The following TBC1D2 variants were observed in gnomAD, a reference collection of about 807,000 sequenced individuals.
TBC1D2 encodes TBC1 domain family member 2.
Under a neutral mutation model 91.1 loss-of-function variants are expected in TBC1D2, and 58 were observed. The observed-to-expected ratio is 0.64, with a 90% CI of 0.52 to 0.79. TBC1D2 has a LOEUF of 0.79. Among genes scored for constraint, TBC1D2 ranks in the 30% least tolerant of loss-of-function variants. The pLI, the probability that TBC1D2 is intolerant of heterozygous loss-of-function variation, is 0.00. For synonymous variants in TBC1D2, 482 were observed against 511.5 expected, an observed-to-expected ratio of 0.94 and a Z score of 0.78; for missense variants, 1,080 against 1,208.3, an observed-to-expected ratio of 0.89 and a Z score of 1.57.
rs374251060 is a variant in TBC1D2 at position 98,212,992 on chromosome 9, C to G, written c.1485+116G>C. 34 of 1,122,876 alleles carry G rather than the reference C, an allele frequency of 3.0e-5. No individual in the cohort carries two copies. In the East Asian group the frequency reaches 6.0e-4, roughly 20 times the overall value. 69.6% of individuals were successfully genotyped at this position (1,122,876 alleles called of 1,614,324 possible). A position where few individuals can be genotyped will look rare whatever the true frequency, so the allele number is the denominator to read the frequency against. On this transcript the variant is annotated intron_variant, in intron 7 of 12. Coordinates refer to ENST00000465784, the MANE Select transcript of TBC1D2 (RefSeq NM_001267571.2). Reference sequence around the variant, plus strand: ...GATATGGGCCCTGCTCACAAGGGGTCAGTTCAGAGGGAGAGGGGCAGACAG... The same window carrying G: ...GATATGGGCCCTGCTCACAAGGGGTGAGTTCAGAGGGAGAGGGGCAGACAG...
intron 1 of TBC1D2, among the ~76,000 whole-genome samples, chr9:98,254,184 G>A (rs1026264273): frequency 6.6e-6 from 1 of 152,210 alleles, no homozygotes; most frequent in Non-Finnish European, 1.5e-5. Context: ...AGATGGGGAT[G>A]GGGTGGGGAA....
intron 5 of TBC1D2, among the ~76,000 whole-genome samples, chr9:98,224,235 A>C (rs1461263656): frequency 6.9e-6 from 1 of 144,202 alleles, no homozygotes; most frequent in Non-Finnish European, 1.5e-5. Context: ...AGAAAAATAG[A>C]GGGGTTGATG....
chr9:98,244,156 T>A, intron 2 of TBC1D2, 27 bp from the exon 3 acceptor site: 1 of 1,610,998 alleles, frequency 6.2e-7, no homozygotes, highest in Non-Finnish European at 8.5e-7. Flanking sequence ...GGGAAATCCA[T>A]CAGCTGGGTC....
chr9:98,227,201 C>T (rs1041939571), intron 5 of TBC1D2, among the ~76,000 whole-genome samples: 2 of 152,202 alleles, frequency 1.3e-5, no homozygotes, highest in East Asian at 3.8e-4. Context: ...GGCTGCTAAG[C>T]AGCAGCAGAG....
chr9:98,212,687 G>A (rs1166023957), intron 7 of TBC1D2, among the ~76,000 whole-genome samples: 1 of 151,974 alleles, frequency 6.6e-6, no homozygotes, highest in Non-Finnish European at 1.5e-5. Context: ...TGTATATTTA[G>A]TAGAGATGGG....
Position 98,255,477 on chromosome 9 carries a change from G to A in TBC1D2, c.65C>T (p.Ala22Val). ...SSSAPGSEES[A>V]RDPQVPPPEE... The stretch of plus-strand genomic sequence containing the variant: ...CGGAGGCGGCACCTGTGGATCCCTG[G>A]CAGACTCTTCGGACCCAGGGGCAGA... The change falls in exon 1 of 13, where the codon GCC becomes GTC. Residue 22 changes from alanine (A) to valine (V), a missense_variant. By Grantham distance (64) the Ala-to-Val change is moderately conservative. Transcript: ENST00000465784. The A allele has an allele frequency of 6.3e-7, 1 of 1,582,330 alleles. No individual in the cohort carries two copies. The highest frequency in any genetic ancestry group is 8.6e-7 in the Non-Finnish European group (1 of 1,162,626).
In TBC1D2 at chr9:98,255,203, G is replaced by A. The variant is rs947986199; in HGVS notation, c.339C>T (p.Ile113=). 85 of 1,610,426 alleles carry A rather than the reference G, an allele frequency of 5.3e-5. No homozygotes were observed. The highest frequency in any genetic ancestry group is 7.1e-5 in the Non-Finnish European group (84 of 1,177,364). The change falls in exon 1 of 13, where the codon ATC becomes ATT. Residue 113 remains isoleucine (I), a synonymous_variant. Transcript: ENST00000465784. ...GGGTAATAACCCGGCTGGGAGTCTT[G>A]ATTTCGAAGATCCCCTCCTCAGCGT... ...KADAEEGIFE[I]KTPSRVITLK... is the part of the protein sequence containing the mutation.
chr9:98,216,868 C>A (rs1268225257), intron 6 of TBC1D2, among the ~76,000 whole-genome samples: 1 of 152,122 alleles, frequency 6.6e-6, no homozygotes, highest in African/African-American at 2.4e-5. Flanking sequence ...CTACACCCAG[C>A]TAATTAATTT....
chr9:98,220,927 T>A lies in TBC1D2; in HGVS notation c.1280A>T (p.Gln427Leu), dbSNP rs1564244357. 2.5e-6 allele frequency: 4 copies of A among 1,614,190 alleles called. No individual in the cohort carries two copies. The highest frequency in any genetic ancestry group is 2.5e-6 in the Non-Finnish European group (3 of 1,180,024). ...CTGGTCAGGGGGGTGCGTGAAGTCC[T>A]GGGTGACCTTCTCAGAGAGCTTGCA... is the stretch of plus-strand genomic sequence containing the variant. ...VICKLSEKVTQDFTHPPDQSP... is the reference protein window; with the variant it reads ...VICKLSEKVTLDFTHPPDQSP... Residue 427 changes from glutamine (Q) to leucine (L), a missense_variant, in exon 6 of 13, where the codon CAG (glutamine) becomes CTG (leucine). Transcript: ENST00000465784.
At chr9:98,227,552 T>C (rs556724955) in intron 5 of TBC1D2, among the ~76,000 whole-genome samples, 4 of 151,588 alleles carry the variant, frequency 2.6e-5, no homozygotes, top group South Asian at 2.1e-4. Flanking sequence ...AGGTCAGGAG[T>C]TCGAAACCAG....
chr9:98,219,451 A>T (rs554997069), intron 6 of TBC1D2, among the ~76,000 whole-genome samples: 5 of 152,294 alleles, frequency 3.3e-5, no homozygotes, highest in Admixed American at 2.6e-4. Flanking sequence ...ATAAGTCTAT[A>T]TGTACAGTCT....
chr9:98,199,507 C>T lies in TBC1D2; in HGVS notation c.2661G>A (p.Glu887=), dbSNP rs781166402. 3.1e-6 allele frequency: 5 copies of T among 1,614,066 alleles called. No homozygotes were observed. Among genetic ancestry groups the T allele is most frequent in the African/African-American group, 1.3e-5 (1 of 74,952 alleles). Residue 887 remains glutamate (E), a synonymous_variant, in exon 13 of 13, where the codon GAG becomes GAA. Coordinates refer to ENST00000465784, the MANE Select transcript of TBC1D2 (RefSeq NM_001267571.2). ...QLRQLRMVHR[E]RLEAELRELE... is the part of the protein sequence containing the mutation. The stretch of plus-strand genomic sequence containing the variant: ...GCTCCCGCAGCTCAGCCTCCAGCCG[C>T]TCCCGGTGGACCATGCGCAGCTGCC...
chr9:98,215,585 G>A (rs1207823107), intron 6 of TBC1D2, among the ~76,000 whole-genome samples: 1 of 152,124 alleles, frequency 6.6e-6, no homozygotes, highest in Admixed American at 6.5e-5. Context: ...ATAGCTCATG[G>A]CAGCCTCGAC....
At chr9:98,230,717 G>C (rs1829346454) in intron 4 of TBC1D2, among the ~76,000 whole-genome samples, 1 of 141,928 alleles carries the variant, frequency 7.0e-6, no homozygotes, top group Non-Finnish European at 1.5e-5. Flanking sequence ...TAGATCACTT[G>C]AAGTCAGGAG....
At position 98,214,186 on chromosome 9, in the gene TBC1D2, C is replaced by T. The variant is rs565482012; in HGVS notation, c.1375-968G>A. 3.3e-5 allele frequency among the ~76,000 whole-genome samples: 5 copies of T among 152,038 alleles called. No homozygotes were observed. In the South Asian group the frequency reaches 8.3e-4, roughly 25 times the overall value. The stretch of plus-strand genomic sequence containing the variant: ...AGCGATGCTGCAGCAAGGATGACTC[C>T]GACATGGCCAGGTTGATTTGGAAAT... On this transcript the variant is annotated intron_variant, in intron 6 of 12. Coordinates refer to ENST00000465784, the MANE Select transcript of TBC1D2 (RefSeq NM_001267571.2).
At position 98,208,834 on chromosome 9, in the gene TBC1D2, G is replaced by C; in HGVS notation, c.1984C>G (p.Arg662Gly). Reference protein sequence around the residue: ...YQELLSRGQAREHPAARQIEL... With the variant: ...YQELLSRGQAGEHPAARQIEL... ...ATCTGGCGGGCAGCAGGGTGCTCGC[G>C]GGCCTGGCCCCGGCTCAGCAGTTCC... The change falls in exon 9 of 13, where the codon CGC becomes GGC. Residue 662 changes from arginine to glycine, a missense_variant. By Grantham distance (125) the Arg-to-Gly change is moderately radical. Transcript: ENST00000465784. 6.2e-7 allele frequency: 1 copy of C among 1,607,972 alleles called. No homozygotes were observed. Among genetic ancestry groups the C allele is most frequent in the Non-Finnish European group, 8.5e-7 (1 of 1,175,102 alleles).
intron 3 of TBC1D2, chr9:98,235,387 A>G (rs759675311): frequency 2.1e-6 from 1 of 470,092 alleles, no homozygotes; most frequent in Non-Finnish European, 4.2e-6. Flanking sequence ...TTCCAGTGCT[A>G]GTACTTGGAA....
chr9:98,231,237 AGC>A (rs1276308622), intron 4 of TBC1D2, among the ~76,000 whole-genome samples: 1 of 142,940 alleles, frequency 7.0e-6, no homozygotes, highest in African/African-American at 2.6e-5. Context: ...GAGTAAGAGG[AGC>A]AGAGGAGGAG....
Position 98,199,252 on chromosome 9 carries a change from A to C in TBC1D2, c.*129T>G. ...CCAGTGGGGAAACTGAGGGCCAGAG[A>C]GGGGAAGGGACATGTCCAAGGTCAC... On this transcript the variant is annotated 3_prime_UTR_variant, in exon 13 of 13. Transcript: ENST00000465784. 1.0e-6 allele frequency: 1 copy of C among 989,918 alleles called. No homozygotes were observed. Among genetic ancestry groups the C allele is most frequent in the Non-Finnish European group, 1.5e-6 (1 of 660,162 alleles). 61.3% of individuals were successfully genotyped at this position (989,918 alleles called of 1,614,324 possible).
Sources: gnomAD v4.1 joint callset for allele counts (sites outside exome capture counted in the v4.1 genomes callset) on GRCh38, gnomAD v4.1.1 for gene constraint, MANE v1.5 for transcripts, NCBI Gene and HGNC (gene_info 2026-07-23, HGNC 2026-07-21) for gene names.